TAFA1: variants seen among roughly 807,000 people sequenced by gnomAD.
TAFA1 encodes the protein TAFA chemokine like family member 1.
Under a neutral mutation model 18.5 loss-of-function variants are expected in TAFA1, and 4 were observed. The observed-to-expected ratio is 0.22, with a 90% CI of 0.11 to 0.49. TAFA1 has a LOEUF of 0.49. Among genes scored for constraint, TAFA1 ranks in the 20% least tolerant of loss-of-function variants. The pLI, the probability that TAFA1 is intolerant of heterozygous loss-of-function variation, is 0.98. For missense variants in TAFA1, 147 were observed against 169.0 expected (o/e 0.87, Z 0.72); for synonymous variants, 56 against 55.2 (o/e 1.01, Z -0.06).
intron 2 of TAFA1, among the ~76,000 whole-genome samples, chr3:68,409,989 A>C (rs9822557): frequency 6.6e-6 from 1 of 151,894 alleles, no homozygotes; most frequent in Non-Finnish European, 1.5e-5. Context: ...TATCTTCCTT[A>C]TTTCCTCACT....
intron 3 of TAFA1, among the ~76,000 whole-genome samples, chr3:68,421,169 C>T (rs1266286313): frequency 6.6e-6 from 1 of 152,146 alleles, no homozygotes; most frequent in Non-Finnish European, 1.5e-5. Flanking sequence ...AGTTAAGCCA[C>T]ATAACAGTAA....
chr3:68,325,799 CTG>C (rs2068767407), intron 2 of TAFA1, among the ~76,000 whole-genome samples: 1 of 152,152 alleles, frequency 6.6e-6, no homozygotes, highest in East Asian at 1.9e-4. Flanking sequence ...TCCCATAACT[CTG>C]TAAGAATCCC....
intron 3 of TAFA1, among the ~76,000 whole-genome samples, chr3:68,502,079 C>A (rs965512842): frequency 4.6e-5 from 7 of 152,050 alleles, no homozygotes; most frequent in Non-Finnish European, 8.8e-5. Flanking sequence ...AGTGAGAAAA[C>A]CTTGAAGGGC....
chr3:68,089,233 G>A (rs1203396289), intron 2 of TAFA1, among the ~76,000 whole-genome samples: 1 of 152,124 alleles, frequency 6.6e-6, no homozygotes, highest in East Asian at 1.9e-4. Context: ...TGATCGTAAG[G>A]CAATTAATCT....
chr3:68,016,889 T>G (rs933836428), intron 2 of TAFA1, among the ~76,000 whole-genome samples: 1 of 152,214 alleles, frequency 6.6e-6, no homozygotes, highest in Non-Finnish European at 1.5e-5. Flanking sequence ...TCTTATTGTA[T>G]GAAAAATAAT....
At position 68,205,682 on chromosome 3, in the gene TAFA1, T is replaced by C. The variant is rs191896489; in HGVS notation, c.118+198938T>C. Among the ~76,000 whole-genome samples, 23 of 151,842 alleles carry C rather than the reference T, an allele frequency of 1.5e-4. No homozygotes were observed. In the East Asian group the frequency reaches 4.1e-3, roughly 27 times the overall value. On this transcript the variant is annotated intron_variant, in intron 2 of 4. Transcript: ENST00000478136. ...CAATTGGCATGAATTTCCATAGAAA[T>C]AGACTATTAATAAAGTACAAATAAG...
At chr3:68,306,271 G>A (rs2068420006) in intron 2 of TAFA1, among the ~76,000 whole-genome samples, 1 of 152,110 alleles carries the variant, frequency 6.6e-6, no homozygotes, top group South Asian at 2.1e-4. Flanking sequence ...TTATAGCTTT[G>A]TACCTCCTCT....
intron 2 of TAFA1, among the ~76,000 whole-genome samples, chr3:68,017,402 A>G (rs1019662539): frequency 5.9e-5 from 9 of 152,236 alleles, no homozygotes; most frequent in South Asian, 4.1e-4. Context: ...ACTTCTATCT[A>G]TCACCAGCTT....
chr3:68,332,022 C>T (rs2068885492), intron 2 of TAFA1, among the ~76,000 whole-genome samples: 1 of 151,762 alleles, frequency 6.6e-6, no homozygotes, highest in Admixed American at 6.6e-5. Flanking sequence ...CGCCACCGCA[C>T]CCTGCCAATT....
chr3:68,511,244 A>G lies in TAFA1; in HGVS notation c.260-27512A>G, dbSNP rs1202797936. 2.6e-5 allele frequency among the ~76,000 whole-genome samples: 4 copies of G among 152,266 alleles called. No individual in the cohort carries two copies. In the East Asian group the frequency reaches 7.7e-4, roughly 29 times the overall value. On this transcript the variant is annotated intron_variant, in intron 3 of 4. Transcript: ENST00000478136. ...TCTGGGTAGCAATAAATATGGAAAT[A>G]AGGCTCAGCCTTGGTGTGATGAATT...
At position 68,060,584 on chromosome 3, in the gene TAFA1, T is replaced by C. The variant is rs145638924; in HGVS notation, c.118+53840T>C. Among the ~76,000 whole-genome samples the C allele has an allele frequency of 1.9e-3, 297 of 152,322 alleles. 1 individual carries two copies. Among genetic ancestry groups the C allele is most frequent in the African/African-American group, 6.9e-3 (286 of 41,572 alleles). The stretch of plus-strand genomic sequence containing the variant: ...ATGGTGGGTCCTTCTCCAGAAATCC[T>C]TGCATCATGTTTTTACAGTAAGCTT... On this transcript the variant is annotated intron_variant, in intron 2 of 4. Coordinates refer to ENST00000478136, the MANE Select transcript of TAFA1 (RefSeq NM_213609.4).
chr3:68,053,057 G>A (rs1481833291), intron 2 of TAFA1, among the ~76,000 whole-genome samples: 2 of 152,100 alleles, frequency 1.3e-5, no homozygotes, highest in African/African-American at 4.8e-5. Flanking sequence ...AAAGTGTGTG[G>A]GTACCCAGTG....
At chr3:68,077,995 G>C (rs1372428280) in intron 2 of TAFA1, among the ~76,000 whole-genome samples, 1 of 152,040 alleles carries the variant, frequency 6.6e-6, no homozygotes, top group African/African-American at 2.4e-5. Context: ...TTGAGCAGTG[G>C]TTTGTAGTTC....
At chr3:68,252,159 C>T (rs574673141) in intron 2 of TAFA1, among the ~76,000 whole-genome samples, 1 of 152,258 alleles carries the variant, frequency 6.6e-6, no homozygotes, top group South Asian at 2.1e-4. Context: ...AAATCTCCCT[C>T]TCCAGTCACA....
chr3:68,127,270 C>T (rs544340542), intron 2 of TAFA1, among the ~76,000 whole-genome samples: 89 of 152,016 alleles, frequency 5.9e-4, no homozygotes, highest in South Asian at 4.4e-3. Context: ...AATAATAAAA[C>T]GTTAAGGTCA....
At chr3:68,266,681 C>T (rs559060845) in intron 2 of TAFA1, among the ~76,000 whole-genome samples, 18 of 152,012 alleles carry the variant, frequency 1.2e-4, no homozygotes, top group Non-Finnish European at 2.4e-4. Flanking sequence ...AATAAAGGAT[C>T]CGGGTGAGAG....
chr3:68,120,181 CTTTCTTTCTTTCT>C (rs2065375501), intron 2 of TAFA1, among the ~76,000 whole-genome samples: 2 of 17,602 alleles, frequency 1.1e-4, no homozygotes, highest in Admixed American at 1.6e-3. Flanking sequence ...CTCTTTCTTT[CTTTCTTTCTTTCT>C]TTCTTTCTTT....
chr3:68,008,973 T>G (rs1704418830), intron 2 of TAFA1, among the ~76,000 whole-genome samples: 1 of 152,158 alleles, frequency 6.6e-6, no homozygotes, highest in Non-Finnish European at 1.5e-5. Context: ...TTCGAATAAG[T>G]CTTTTGTAAG....
intron 2 of TAFA1, among the ~76,000 whole-genome samples, chr3:68,403,826 A>C (rs1163229318): frequency 6.6e-6 from 1 of 152,224 alleles, no homozygotes; most frequent in Admixed American, 6.5e-5. Context: ...AAGGTCTTGC[A>C]CAGGCAATTA....
Sources: gnomAD v4.1 joint callset for allele counts (sites outside exome capture counted in the v4.1 genomes callset) on GRCh38, gnomAD v4.1.1 for gene constraint, MANE v1.5 for transcripts, NCBI Gene and HGNC (gene_info 2026-07-23, HGNC 2026-07-21) for gene names.